The following GSG1L2 variants were observed in gnomAD, a reference collection of about 807,000 sequenced individuals.
GSG1L2 encodes GSG1 like 2.
Under a neutral mutation model 9.0 loss-of-function variants are expected in GSG1L2, and 15 were observed. The ratio of observed to expected loss-of-function variants is 1.67; its 90% confidence interval spans 1.12 to 2.57. The LOEUF is 2.57. GSG1L2 is among the 30% of genes most tolerant of loss of function. GSG1L2 has a pLI of 0.00. For synonymous variants in GSG1L2, 127 were observed against 57.9 expected (o/e 2.19, Z -5.41); for missense variants, 286 against 150.3 (o/e 1.90, Z -4.72).
chr17:9,813,187 T>C (rs2066545935), intron 1 of GSG1L2, among the ~76,000 whole-genome samples: 1 of 152,166 alleles, frequency 6.6e-6, no homozygotes, highest in African/African-American at 2.4e-5. Flanking sequence ...AACCTTAAGA[T>C]TTGCCATGCC....
intron 4 of GSG1L2, chr17:9,803,887 T>C (rs2066507372): frequency 6.6e-6 from 1 of 152,244 alleles, no homozygotes; most frequent in Non-Finnish European, 1.5e-5. Flanking sequence ...CAGATACTGC[T>C]GGCTGACTTG....
intron 2 of GSG1L2, chr17:9,809,722 G>C (rs948622148): frequency 2.0e-5 from 3 of 152,228 alleles, no homozygotes; most frequent in African/African-American, 4.8e-5. Context: ...AAAAGTTCCT[G>C]ATTGGTGCGT....
chr17:9,805,387 T>C (rs2066512899), intron 4 of GSG1L2: 1 of 151,494 alleles, frequency 6.6e-6, no homozygotes, highest in Admixed American at 6.6e-5. Flanking sequence ...ACAGGCCACC[T>C]ACAAAGGCAC....
intron 4 of GSG1L2, chr17:9,804,684 A>C (rs2066510622): frequency 6.6e-6 from 1 of 152,228 alleles, no homozygotes; most frequent in Non-Finnish European, 1.5e-5. Context: ...AGATGGTGCC[A>C]TACCCAATCA....
intron 1 of GSG1L2, among the ~76,000 whole-genome samples, chr17:9,813,642 G>T: frequency 6.6e-6 from 1 of 152,198 alleles, no homozygotes; most frequent in African/African-American, 2.4e-5. Context: ...CTCACACCCT[G>T]CTCTCTCTCG....
chr17:9,809,275 T>C, intron 2 of GSG1L2: 1 of 395,948 alleles, frequency 2.5e-6, no homozygotes, highest in Non-Finnish European at 4.7e-6. Context: ...CTCCATGCCC[T>C]AGCTCAAAAA....
chr17:9,804,874 A>G (rs2066511210), intron 4 of GSG1L2: 1 of 152,248 alleles, frequency 6.6e-6, no homozygotes. Flanking sequence ...GAAAACAGCA[A>G]CAAAAACCAA....
chr17:9,816,664 C>CGTGTGTGTCTGTGTGTGT (rs1567711380), intron 1 of GSG1L2, among the ~76,000 whole-genome samples: 1 of 132,128 alleles, frequency 7.6e-6, no homozygotes, highest in Non-Finnish European at 1.7e-5. Flanking sequence ...TCTGTGTGTG[C>CGTGTGTGTCTGTGTGTGT]GTGTGTGTCT....
chr17:9,810,446 T>A, intron 2 of GSG1L2, 125 bp downstream of exon 2: 1 of 647,874 alleles, frequency 1.5e-6, no homozygotes, highest in Non-Finnish European at 2.8e-6. Flanking sequence ...TTCTAGCTTT[T>A]GGGCTGGACT....
chr17:9,810,378 G>A, intron 2 of GSG1L2, 193 bp downstream of exon 2: 1 of 588,146 alleles, frequency 1.7e-6, no homozygotes. Flanking sequence ...TACAAAGTTG[G>A]CTGTTAAACA....
chr17:9,819,833 C>T (rs375270588), intron 1 of GSG1L2, among the ~76,000 whole-genome samples: 1 of 151,898 alleles, frequency 6.6e-6, no homozygotes, highest in East Asian at 2.0e-4. Context: ...GGTATTTCAC[C>T]AACTCCTGAC....
chr17:9,818,942 A>C (rs1797748024), intron 1 of GSG1L2, among the ~76,000 whole-genome samples: 1 of 151,838 alleles, frequency 6.6e-6, no homozygotes, highest in Non-Finnish European at 1.5e-5. Context: ...GGGCTTACTC[A>C]CCTTTCTCTC....
At chr17:9,808,231 G>A (rs895139488) in intron 3 of GSG1L2, among the ~76,000 whole-genome samples, 5 of 152,058 alleles carry the variant, frequency 3.3e-5, no homozygotes, top group African/African-American at 7.2e-5. Context: ...CTTTCTCCCT[G>A]GAAAGGCCCA....
At chr17:9,810,757 C>T (rs2066535994) in intron 1 of GSG1L2, 139 bp from the exon 2 acceptor site, 1 of 647,990 alleles carries the variant, frequency 1.5e-6, no homozygotes, top group African/African-American at 1.8e-5. Flanking sequence ...TGAGCTGCTC[C>T]TCTGTGTGGG....
chr17:9,818,275 G>A (rs1464829587), intron 1 of GSG1L2, among the ~76,000 whole-genome samples: 2 of 152,116 alleles, frequency 1.3e-5, no homozygotes, highest in Non-Finnish European at 2.9e-5. Context: ...CAGTGGGAGT[G>A]GGAGCAAGAG....
intron 1 of GSG1L2, among the ~76,000 whole-genome samples, chr17:9,816,763 CTGTGTGTGCGTGTGTG>C (rs2066566542): frequency 1.4e-5 from 2 of 145,258 alleles, no homozygotes; most frequent in African/African-American, 2.6e-5. Flanking sequence ...GTATCTGTGT[CTGTGTGTGCGTGTGTG>C]TCTGTGTGTG....
chr17:9,820,802 C>G lies in GSG1L2; in HGVS notation c.310+960G>C, dbSNP rs1344752060. On this transcript the variant is annotated intron_variant, in intron 1 of 4. Transcript: ENST00000399363. The surrounding 1 kb of genome is among the most constrained non-coding windows in gnomAD (Gnocchi z 4.9). ...AGTAGCTGGGACCACAGGCACACCC[C>G]ACCATGTCCAGCTAATTTTTTAAAA... Among the ~76,000 whole-genome samples the G allele has an allele frequency of 6.6e-6, 1 of 152,034 alleles. No individual in the cohort carries two copies. The highest frequency in any genetic ancestry group is 2.4e-5 in the African/African-American group (1 of 41,392).
chr17:9,813,070 T>C (rs2066545492), intron 1 of GSG1L2, among the ~76,000 whole-genome samples: 1 of 152,226 alleles, frequency 6.6e-6, no homozygotes, highest in African/African-American at 2.4e-5. Context: ...GGTTAGGGTT[T>C]CAGCATATGA....
intron 1 of GSG1L2, among the ~76,000 whole-genome samples, chr17:9,816,390 CTGTGTCTGTG>C (rs1399973232): frequency 2.2e-4 from 32 of 148,070 alleles, no homozygotes; most frequent in Admixed American, 2.1e-3. Flanking sequence ...GCGTGTGTGT[CTGTGTCTGTG>C]TGTGTGTGTG....
Sources: allele counts gnomAD v4.1 joint callset (sites outside exome capture counted in the v4.1 genomes callset), GRCh38; gene constraint gnomAD v4.1.1; non-coding constraint Gnocchi (gnomAD v3.1); transcripts MANE v1.5; gene names NCBI Gene and HGNC (gene_info 2026-07-23, HGNC 2026-07-21).